The following LGSN variants were observed in gnomAD, a reference collection of about 807,000 sequenced individuals.
The protein encoded by LGSN is lengsin.
A neutral mutation model predicts 19.5 loss-of-function variants in LGSN; 21 were observed. The ratio of observed to expected loss-of-function variants is 1.07; its 90% CI spans 0.76 to 1.55. The LOEUF (loss-of-function observed/expected upper bound fraction) is 1.55. Among genes scored for constraint, LGSN ranks in the 40% most tolerant of loss-of-function variants. The pLI is 0.00. For synonymous variants in LGSN, 257 were observed against 215.6 expected, an observed-to-expected ratio of 1.19 and a Z score of -1.68; for missense variants, 673 against 608.5, an observed-to-expected ratio of 1.11 and a Z score of -1.12.
At chr6:63,497,765 CT>C in the LGSN span, among the ~76,000 whole-genome samples, 3 of 151,856 alleles carry the variant, frequency 2.0e-5, no homozygotes, top group Middle Eastern at 6.8e-3. Context: ...TTTTATAGCC[CT>C]TTATATTTTA....
At chr6:63,320,563 T>C (rs1431850623), upstream of LGSN, among the ~76,000 whole-genome samples, 1 of 152,190 alleles carries the variant, frequency 6.6e-6, no homozygotes, top group East Asian at 1.9e-4. Context: ...ATCCCCACTG[T>C]GCACAATGAA....
At chr6:63,454,792 TC>T in the LGSN span, among the ~76,000 whole-genome samples, 1 of 88,650 alleles carries the variant, frequency 1.1e-5, no homozygotes, top group African/African-American at 5.7e-5. Context: ...TTTTTCTTTT[TC>T]TTTTTTTTTT....
intron 1 of LGSN, among the ~76,000 whole-genome samples, chr6:63,299,282 C>A (rs1267840836): frequency 6.6e-6 from 1 of 152,146 alleles, no homozygotes; most frequent in Non-Finnish European, 1.5e-5. Flanking sequence ...TTAAGGGTGT[C>A]TGCCTCTGTG....
the LGSN span, among the ~76,000 whole-genome samples, chr6:63,403,616 AT>A: frequency 1.3e-5 from 2 of 152,302 alleles, no homozygotes; most frequent in East Asian, 3.9e-4. Flanking sequence ...GATCAATACA[AT>A]TGATAAAACT....
the LGSN span, among the ~76,000 whole-genome samples, chr6:63,503,510 G>C: frequency 6.6e-6 from 1 of 152,162 alleles, no homozygotes; most frequent in African/African-American, 2.4e-5. Flanking sequence ...CTCTACCCAA[G>C]ATTTAAATTC....
At chr6:63,366,099 C>G in the LGSN span, among the ~76,000 whole-genome samples, 7 of 152,224 alleles carry the variant, frequency 4.6e-5, no homozygotes, top group Non-Finnish European at 7.4e-5. Context: ...GGCACTCAGG[C>G]AGGAGAAAGA....
chr6:63,492,068 A>G, the LGSN span, among the ~76,000 whole-genome samples: 1 of 151,950 alleles, frequency 6.6e-6, no homozygotes, highest in East Asian at 1.9e-4. Context: ...TTTTACTGTC[A>G]TTCTGGTTCT....
chr6:63,540,967 C>A, the LGSN span, among the ~76,000 whole-genome samples: 11 of 150,636 alleles, frequency 7.3e-5, no homozygotes, highest in African/African-American at 2.7e-4. Flanking sequence ...CACGCCAGTG[C>A]ACTCCAGCCT....
chr6:63,361,137 C>T, the LGSN span, among the ~76,000 whole-genome samples: 1 of 152,340 alleles, frequency 6.6e-6, no homozygotes, highest in South Asian at 2.1e-4. Context: ...TGTCCATTCT[C>T]AGATCTCAAG....
the LGSN span, among the ~76,000 whole-genome samples, chr6:63,430,636 C>A: frequency 6.6e-6 from 1 of 152,120 alleles, no homozygotes; most frequent in African/African-American, 2.4e-5. Flanking sequence ...GATTCGCTTG[C>A]CACGGCCTCT....
chr6:63,572,403 G>A, the LGSN span: 4 of 343,374 alleles, frequency 1.2e-5, no homozygotes, highest in South Asian at 1.5e-4. Context: ...CCTGGCCCGC[G>A]GTTCCAGGCC....
the LGSN span, among the ~76,000 whole-genome samples, chr6:63,474,747 C>T: frequency 6.6e-6 from 1 of 150,930 alleles, no homozygotes; most frequent in Admixed American, 6.6e-5. Flanking sequence ...CATGGTGAAA[C>T]CCTGTCTCTA....
the LGSN span, among the ~76,000 whole-genome samples, chr6:63,438,734 G>C: frequency 6.6e-6 from 1 of 152,190 alleles, no homozygotes; most frequent in African/African-American, 2.4e-5. Context: ...TGGAGAAATA[G>C]GAACACTTTA....
chr6:63,456,375 A>ACTT, the LGSN span, among the ~76,000 whole-genome samples: 1 of 37,354 alleles, frequency 2.7e-5, no homozygotes, highest in African/African-American at 5.6e-5. Flanking sequence ...ATATATATAT[A>ACTT]TATATATATA....
At chr6:63,473,747 C>T in the LGSN span, among the ~76,000 whole-genome samples, 1 of 148,146 alleles carries the variant, frequency 6.8e-6, no homozygotes, top group East Asian at 2.0e-4. Flanking sequence ...CATTTATCCG[C>T]ATCTGTATAT....
the LGSN span, among the ~76,000 whole-genome samples, chr6:63,500,361 G>A: frequency 1.1e-4 from 17 of 152,182 alleles, no homozygotes; most frequent in Non-Finnish European, 2.1e-4. Flanking sequence ...CAGCTGGGGT[G>A]AGAATCCTTG....
At chr6:63,531,603 T>A in the LGSN span, among the ~76,000 whole-genome samples, 1 of 147,896 alleles carries the variant, frequency 6.8e-6, no homozygotes, top group East Asian at 2.1e-4. Flanking sequence ...AATCTTCCTC[T>A]CTCATCCTCC....
the LGSN span, among the ~76,000 whole-genome samples, chr6:63,346,544 C>CA: frequency 7.3e-5 from 11 of 150,824 alleles, no homozygotes; most frequent in Non-Finnish European, 1.0e-4. Flanking sequence ...AATAAACTGG[C>CA]AAAAAAAAGT....
the LGSN span, among the ~76,000 whole-genome samples, chr6:63,483,368 CTTTT>C: frequency 2.1e-5 from 3 of 143,550 alleles, no homozygotes; most frequent in Non-Finnish European, 3.0e-5. Flanking sequence ...AAAGGAAGCT[CTTTT>C]TTTTTTTTTT....
Sources: gnomAD v4.1 joint callset for allele counts (sites outside exome capture counted in the v4.1 genomes callset) on GRCh38, gnomAD v4.1.1 for gene constraint, MANE v1.5 for transcripts, NCBI Gene and HGNC (gene_info 2026-07-23, HGNC 2026-07-21) for gene names.